Variants in SPTBN1 observed in about 807,000 individuals in gnomAD.
SPTBN1 encodes the protein spectrin beta chain, non-erythrocytic 1.
SPTBN1 carries 32 observed loss-of-function variants against 266.4 expected under a neutral mutation model. The ratio of observed to expected loss-of-function variants is 0.12; its 90% CI spans 0.09 to 0.16. The LOEUF (loss-of-function observed/expected upper bound fraction) is 0.16. SPTBN1 is among the 10% of genes least tolerant of loss of function. SPTBN1 has a pLI of 1.00. For synonymous variants in SPTBN1, 1,336 were observed against 1,162.2 expected (o/e 1.15, Z -3.04); for missense variants, 2,296 against 3,067.1 (o/e 0.75, Z 5.94).
Position 54,599,177 on chromosome 2 carries a change from G to C in SPTBN1, c.234G>C (p.Leu78=). 1 of 1,614,198 alleles carries C rather than the reference G, an allele frequency of 6.2e-7. No homozygotes were observed. The highest frequency in any genetic ancestry group is 8.5e-7 in the Non-Finnish European group (1 of 1,180,038). ...LARVSCRITD[L]YTDLRDGRML... Reference sequence around the variant, plus strand: ...GTGTGTCCTGCCGGATCACAGACCTGTACACTGACCTTCGAGATGGACGGA... The same window carrying C: ...GTGTGTCCTGCCGGATCACAGACCTCTACACTGACCTTCGAGATGGACGGA... Residue 78 remains leucine, a synonymous_variant, in exon 3 of 36, where the codon CTG becomes CTC. Transcript: ENST00000356805.
intron 1 of SPTBN1, among the ~76,000 whole-genome samples, chr2:54,503,375 G>C (rs1041230206): frequency 1.3e-5 from 2 of 152,212 alleles, no homozygotes; most frequent in Non-Finnish European, 2.9e-5. Flanking sequence ...TTTGCAGTCA[G>C]AGCAAGCTGA....
chr2:54,557,780 C>T, intron 2 of SPTBN1: 4 of 985,434 alleles, frequency 4.1e-6, no homozygotes, highest in Non-Finnish European at 3.6e-6. Context: ...CCTTCATATC[C>T]CCTGATGGCA....
intron 2 of SPTBN1, among the ~76,000 whole-genome samples, chr2:54,545,013 A>G (rs1259027014): frequency 1.3e-5 from 2 of 152,134 alleles, no homozygotes; most frequent in African/African-American, 2.4e-5. Flanking sequence ...ACCTATGAGT[A>G]AGAACAAGCG....
chr2:54,525,034 A>G (rs1196340098), intron 1 of SPTBN1, among the ~76,000 whole-genome samples: 1 of 152,140 alleles, frequency 6.6e-6, no homozygotes, highest in African/African-American at 2.4e-5. Context: ...CCCTAGAGCC[A>G]GGTCCTTATT....
At chr2:54,571,102 T>TGGGAAG (rs1674031359) in intron 2 of SPTBN1, among the ~76,000 whole-genome samples, 2 of 152,036 alleles carry the variant, frequency 1.3e-5, no homozygotes, top group African/African-American at 2.4e-5. Flanking sequence ...ATCCTGGCTG[T>TGGGAAG]GGGAAGTCTG....
At chr2:54,608,655 C>T (rs1677009543) in intron 3 of SPTBN1, among the ~76,000 whole-genome samples, 1 of 151,790 alleles carries the variant, frequency 6.6e-6, no homozygotes, top group Non-Finnish European at 1.5e-5. Flanking sequence ...GTTGGTACAA[C>T]AGATAATAGA....
intron 1 of SPTBN1, among the ~76,000 whole-genome samples, chr2:54,490,522 G>A (rs1668631806): frequency 6.6e-6 from 1 of 152,342 alleles, no homozygotes. Flanking sequence ...AAATGGTGAT[G>A]TGATTCTCCA....
intron 1 of SPTBN1, among the ~76,000 whole-genome samples, chr2:54,487,832 C>CTTTTTGTTTTTTTTTTTTTTTTTTTTTTT: frequency 1.5e-5 from 1 of 68,644 alleles, no homozygotes; most frequent in Non-Finnish European, 2.6e-5. Flanking sequence ...CCTCCTGTGT[C>CTTTTTGTTTTTTTTTTTTTTTTTTTTTTT]TTTTTTTTTT....
rs201195466 is a variant in SPTBN1, at chr2:54,558,749, G to A, written c.148+32183G>A. ...GGGGCTGGAGCGAGATTTCCAGGGCGCAGTCCTCCGGGGCGTTACGCCGGG... is the reference window on the plus strand; with the variant it reads ...GGGGCTGGAGCGAGATTTCCAGGGCACAGTCCTCCGGGGCGTTACGCCGGG... On this transcript the variant is annotated intron_variant, in intron 2 of 35. Coordinates refer to ENST00000356805, the MANE Select transcript of SPTBN1 (RefSeq NM_003128.3). This position sits in a 1 kb window ranked among gnomAD's most constrained non-coding sequence, Gnocchi z 4.6. 1 of 1,603,502 alleles carries A rather than the reference G, an allele frequency of 6.2e-7. No individual in the cohort carries two copies. Among genetic ancestry groups the A allele is most frequent in the African/African-American group, 1.3e-5 (1 of 74,686 alleles).
In SPTBN1 at chr2:54,652,877, T is replaced by TTTTCTTTCTTTC. The variant is rs71408781; in HGVS notation, c.5578-716_5578-705dup. ...CTGTGTTGGTTTGTTGGTTTTTTTC[T>TTTTCTTTCTTTC]TTTCTTTCTTTCTTTCTTTCTTTCT... On this transcript the variant is annotated intron_variant, in intron 26 of 35. Transcript: ENST00000356805. The TTTTCTTTCTTTC allele has an allele frequency of 2.2e-3, 337 of 151,060 alleles. 1 individual carries two copies. Among genetic ancestry groups the TTTTCTTTCTTTC allele is most frequent in the African/African-American group, 7.5e-3 (307 of 41,086 alleles). The allele number at this position is 151,060 out of a possible 1,614,324, so 9.4% of individuals were successfully genotyped here.
chr2:54,475,325 G>A (rs1206265891), intron 1 of SPTBN1, among the ~76,000 whole-genome samples: 2 of 152,170 alleles, frequency 1.3e-5, no homozygotes, highest in African/African-American at 2.4e-5. Context: ...TCTCCTTTTG[G>A]TTCCATAATA....
At chr2:54,557,985 A>G (rs939287209) in intron 2 of SPTBN1, 30 of 984,962 alleles carry the variant, frequency 3.0e-5, no homozygotes, top group Admixed American at 6.1e-5. Flanking sequence ...AGCAGACGCT[A>G]GAGAGTGAAT....
chr2:54,640,666 C>G lies in SPTBN1; in HGVS notation c.3859-2317C>G, dbSNP rs999750531. ...TCCCGGGTTCAAGCAAGTCTCCTACCTCAGCCTTCCAAGTAGCTGGGATTC... is the reference window on the plus strand; with the variant it reads ...TCCCGGGTTCAAGCAAGTCTCCTACGTCAGCCTTCCAAGTAGCTGGGATTC... On this transcript the variant is annotated intron_variant, in intron 18 of 35. Transcript: ENST00000356805. 3.3e-5 allele frequency among the ~76,000 whole-genome samples: 5 copies of G among 152,354 alleles called. No homozygotes were observed. In the South Asian group the frequency reaches 8.3e-4, roughly 25 times the overall value.
Position 54,617,698 on chromosome 2 carries a change from T to C in SPTBN1, c.647+10T>C. The C allele has an allele frequency of 6.2e-7, 1 of 1,613,512 alleles. No individual in the cohort carries two copies. Among genetic ancestry groups the C allele is most frequent in the Non-Finnish European group, 8.5e-7 (1 of 1,179,590 alleles). On this transcript the variant is annotated intron_variant, in intron 6 of 35. Transcript: ENST00000356805. ...TGATACACAAACACCGGTAAGTCCATACAAATCATCCTAGCAATCGTGGGG... is the reference window on the plus strand; with the variant it reads ...TGATACACAAACACCGGTAAGTCCACACAAATCATCCTAGCAATCGTGGGG...
intron 1 of SPTBN1, among the ~76,000 whole-genome samples, chr2:54,487,264 A>T (rs1443202735): frequency 6.7e-6 from 1 of 149,736 alleles, no homozygotes; most frequent in Non-Finnish European, 1.5e-5. Flanking sequence ...GGTTTCCAAC[A>T]TTTAATTTTG....
At chr2:54,576,937 T>C (rs929392621) in intron 2 of SPTBN1, among the ~76,000 whole-genome samples, 8 of 152,196 alleles carry the variant, frequency 5.3e-5, no homozygotes, top group Admixed American at 6.5e-5. Context: ...TTTTTAAATA[T>C]GACCTGGATT....
In SPTBN1 at chr2:54,529,880, AAAAAG is replaced by A. The variant is rs1177293381; in HGVS notation, c.148+3315_148+3319del. ...AAAAAAAAAAAAAAAAAAAAAAAAA[AAAAAG>A]GTCCACTTGATGTGGGAGTGGTGTG... On this transcript the variant is annotated intron_variant, in intron 2 of 35. Coordinates refer to ENST00000356805, the MANE Select transcript of SPTBN1 (RefSeq NM_003128.3). 178 of 364,118 alleles carry A rather than the reference AAAAAG, an allele frequency of 4.9e-4. 2 individuals carry two copies. The highest frequency in any genetic ancestry group is 9.6e-4 in the Middle Eastern group (1 of 1,046). The allele number at this position is 364,118 out of a possible 1,614,324, so 22.6% of individuals were successfully genotyped here.
chr2:54,595,922 G>T (rs6735962), intron 2 of SPTBN1, among the ~76,000 whole-genome samples: 6,723 of 152,220 alleles, frequency 0.044, 468 homozygotes, highest in African/African-American at 0.15. Flanking sequence ...TAAATGTGCC[G>T]AGGAATCAAA....
At chr2:54,522,060 G>A (rs1670474235) in intron 1 of SPTBN1, among the ~76,000 whole-genome samples, 1 of 151,050 alleles carries the variant, frequency 6.6e-6, no homozygotes, top group Admixed American at 6.6e-5. Context: ...ACCACAGCTG[G>A]CTATTTTTTT....
Sources: gnomAD v4.1 joint callset for allele counts (sites outside exome capture counted in the v4.1 genomes callset) on GRCh38, gnomAD v4.1.1 for gene constraint, Gnocchi (gnomAD v3.1) non-coding constraint, MANE v1.5 for transcripts, NCBI Gene and HGNC (gene_info 2026-07-23, HGNC 2026-07-21) for gene names.